OR51B5: variants seen among roughly 807,000 people sequenced by gnomAD.
The protein encoded by OR51B5 is olfactory receptor 51B5.
For synonymous variants in OR51B5, 186 were observed against 144.8 expected (o/e 1.28, Z -2.04); for missense variants, 456 against 374.6 (o/e 1.22, Z -1.79).
chr11:5,344,913 G>C (rs189120687), upstream of OR51B5, among the ~76,000 whole-genome samples: 1 of 152,204 alleles, frequency 6.6e-6, no homozygotes, highest in African/African-American at 2.4e-5. Flanking sequence ...GCAGTTTGAG[G>C]GGCCTAGAAC....
chr11:5,397,232 C>A (rs143756451), intron 1 of OR51B5, among the ~76,000 whole-genome samples: 2,001 of 152,254 alleles, frequency 0.013, 43 homozygotes, highest in African/African-American at 0.045. Context: ...AGATCTTCTG[C>A]ACAGCAAAAG....
Position 5,351,847 on chromosome 11 carries a change from C to T in OR51B5, n.85-4937G>A, listed in dbSNP as rs141090071. On this transcript the variant is annotated intron_variant and non_coding_transcript_variant, in intron 1 of 4. Coordinates refer to the OR51B5 transcript ENST00000415970. ...TTCTGTCATGGAGTCAGGTGTCTTG[C>T]TTGCCATGGCTTATGACTGTTTCAT... 24 of 1,613,900 alleles carry T rather than the reference C, an allele frequency of 1.5e-5. No homozygotes were observed. In the African/African-American group the frequency reaches 3.1e-4, roughly 21 times the overall value.
At position 5,420,580 on chromosome 11, in the gene OR51B5, A is replaced by G. The variant is rs1171235794; in HGVS notation, n.85-73670T>C. On this transcript the variant is annotated intron_variant and non_coding_transcript_variant, in intron 1 of 4. Coordinates refer to the OR51B5 transcript ENST00000415970. ...TTTAAATTTTACCATTTTTTGCTAC[A>G]GAGAAAATTTCACTTTTAAAGATTA... Among the ~76,000 whole-genome samples the G allele has an allele frequency of 2.6e-5, 4 of 151,956 alleles. No homozygotes were observed. In the East Asian group the frequency reaches 7.7e-4, roughly 29 times the overall value.
chr11:5,389,342 A>G, intron 1 of OR51B5: 2 of 1,525,992 alleles, frequency 1.3e-6, no homozygotes, highest in South Asian at 2.4e-5. Flanking sequence ...AATGTTAGTG[A>G]AGCTGAAGAA....
At chr11:5,448,539 G>A (rs534184544) in intron 1 of OR51B5, among the ~76,000 whole-genome samples, 1 of 152,304 alleles carries the variant, frequency 6.6e-6, no homozygotes, top group African/African-American at 2.4e-5. Context: ...GTTGTGGAAG[G>A]AGTTATAAGC....
chr11:5,380,998 A>G (rs1849599976), intron 1 of OR51B5, among the ~76,000 whole-genome samples: 1 of 152,124 alleles, frequency 6.6e-6, no homozygotes, highest in African/African-American at 2.4e-5. Context: ...GTTCTCCTGA[A>G]GGAATCTCCT....
intron 1 of OR51B5, chr11:5,488,757 A>G (rs1851532466): frequency 1.2e-6 from 2 of 1,613,982 alleles, no homozygotes; most frequent in African/African-American, 2.7e-5. Context: ...CCTTCTTCTT[A>G]ACAGGGATCC....
At chr11:5,375,612 G>A (rs1273569781) in intron 1 of OR51B5, among the ~76,000 whole-genome samples, 3 of 152,104 alleles carry the variant, frequency 2.0e-5, no homozygotes, top group Non-Finnish European at 4.4e-5. Context: ...AAGGATGGAG[G>A]AAGATCTACC....
chr11:5,429,279 T>G (rs1281067779), intron 1 of OR51B5, among the ~76,000 whole-genome samples: 1 of 152,138 alleles, frequency 6.6e-6, no homozygotes, highest in Non-Finnish European at 1.5e-5. Flanking sequence ...GTGTGGCTAG[T>G]GTCAATAAAT....
intron 1 of OR51B5, chr11:5,441,299 A>G (rs116727655): frequency 9.3e-6 from 15 of 1,613,944 alleles, no homozygotes; most frequent in South Asian, 3.3e-5. Context: ...ACACTCCCAG[A>G]TCATTGAGAG....
At chr11:5,437,305 G>A (rs1407593643) in intron 1 of OR51B5, among the ~76,000 whole-genome samples, 2 of 152,102 alleles carry the variant, frequency 1.3e-5, no homozygotes, top group Admixed American at 6.5e-5. Flanking sequence ...TCAGATCTCA[G>A]GCAAAACCTA....
intron 1 of OR51B5, chr11:5,440,760 G>T: frequency 6.2e-7 from 1 of 1,613,934 alleles, no homozygotes; most frequent in Non-Finnish European, 8.5e-7. Context: ...CACATAAAAG[G>T]CCAGCACTGC....
exon 1 of OR51B5, chr11:5,343,146 G>A (rs780796839): frequency 1.2e-6 from 2 of 1,613,704 alleles, no homozygotes; most frequent in Non-Finnish European, 1.7e-6. Context: ...TATCTAAGAG[G>A]GTTGCAGATG....
At position 5,497,407 on chromosome 11, in the gene OR51B5, G is replaced by A. The variant is rs115180302; in HGVS notation, n.84+8162C>T. 7.4e-3 allele frequency among the ~76,000 whole-genome samples: 1,132 copies of A among 152,198 alleles called. 18 individuals are homozygous for A. The highest frequency in any genetic ancestry group is 0.026 in the African/African-American group (1,072 of 41,512). ...AGCCTGGGCAACAGAGCAAGACTCC[G>A]TCTCAAAATAAATAAATTGTCAAAC... On this transcript the variant is annotated intron_variant and non_coding_transcript_variant, in intron 1 of 4. Transcript: ENST00000415970.
At chr11:5,460,506 G>A (rs1232362689) in intron 1 of OR51B5, among the ~76,000 whole-genome samples, 2 of 152,008 alleles carry the variant, frequency 1.3e-5, no homozygotes, top group Non-Finnish European at 2.9e-5. Flanking sequence ...TGCTTTCCTT[G>A]AACTGTGTTT....
In OR51B5 at chr11:5,457,929, T is replaced by C. The variant is rs184548399; in HGVS notation, n.84+47640A>G. On this transcript the variant is annotated intron_variant and non_coding_transcript_variant, in intron 1 of 4. Transcript: ENST00000415970. ...TCTGTATGTTGTCTATTCAGTCTATTGATAGCTTCTTTTGCTGTGCCAAAG... is the reference window on the plus strand; with the variant it reads ...TCTGTATGTTGTCTATTCAGTCTATCGATAGCTTCTTTTGCTGTGCCAAAG... Among the ~76,000 whole-genome samples, 5 of 152,310 alleles carry C rather than the reference T, an allele frequency of 3.3e-5. No homozygotes were observed. The East Asian group carries it at 7.7e-4, about 24-fold the overall frequency.
At chr11:5,440,821 A>G (rs781628206) in intron 1 of OR51B5, 1 of 1,613,878 alleles carries the variant, frequency 6.2e-7, no homozygotes, top group Admixed American at 1.7e-5. Flanking sequence ...TGTTCCTGGG[A>G]TATGATGACC....
intron 1 of OR51B5, among the ~76,000 whole-genome samples, chr11:5,470,899 A>G (rs1851218734): frequency 6.6e-6 from 1 of 152,178 alleles, no homozygotes; most frequent in Non-Finnish European, 1.5e-5. Flanking sequence ...ATTCGACACA[A>G]AGCAACCAAA....
At chr11:5,351,846 G>A in intron 1 of OR51B5, 1 of 1,613,860 alleles carries the variant, frequency 6.2e-7, no homozygotes, top group South Asian at 1.1e-5. Context: ...CAGGTGTCTT[G>A]CTTGCCATGG....
Sources: allele counts gnomAD v4.1 joint callset (sites outside exome capture counted in the v4.1 genomes callset), GRCh38; gene constraint gnomAD v4.1.1; transcripts MANE v1.5; gene names NCBI Gene and HGNC (gene_info 2026-07-23, HGNC 2026-07-21).